Variants in EPM2A observed in about 807,000 individuals in gnomAD.
EPM2A encodes the protein laforin.
A neutral mutation model predicts 26.5 loss-of-function variants in EPM2A; 21 were observed. That is an observed-to-expected ratio of 0.79 (90% confidence interval 0.56 to 1.14). The LOEUF (loss-of-function observed/expected upper bound fraction) is 1.14. EPM2A is among the 50% of genes most tolerant of loss of function. The probability of loss-of-function intolerance (pLI) is 0.00; values close to 1 mark genes in which losing one functional copy is unlikely to be tolerated. For synonymous variants in EPM2A, 217 were observed against 177.6 expected (o/e 1.22, Z -1.76); for missense variants, 458 against 440.8 (o/e 1.04, Z -0.35).
At chr6:145,633,350 A>C (rs1582928874) in intron 3 of EPM2A, among the ~76,000 whole-genome samples, 1 of 152,166 alleles carries the variant, frequency 6.6e-6, no homozygotes, top group South Asian at 2.1e-4. Flanking sequence ...AACCAGGAAA[A>C]CCAGCTGGAC....
chr6:145,402,661 G>T (rs1416745580), intron 4 of EPM2A, among the ~76,000 whole-genome samples: 2 of 152,072 alleles, frequency 1.3e-5, no homozygotes, highest in Non-Finnish European at 2.9e-5. Context: ...TTTTTAATTG[G>T]TTCAGAAAAA....
At chr6:145,544,874 C>T (rs1780564169) in intron 2 of EPM2A, among the ~76,000 whole-genome samples, 1 of 152,096 alleles carries the variant, frequency 6.6e-6, no homozygotes, top group South Asian at 2.1e-4. Flanking sequence ...CTTTTTTCAC[C>T]AAAATAACAA....
chr6:145,696,272 G>C (rs1038195359), intron 1 of EPM2A, among the ~76,000 whole-genome samples: 3 of 151,940 alleles, frequency 2.0e-5, no homozygotes, highest in African/African-American at 7.3e-5. Context: ...ACACAGCAAA[G>C]GCAATTCTAA....
chr6:145,475,378 C>T (rs1178703349), intron 4 of EPM2A, among the ~76,000 whole-genome samples: 1 of 152,138 alleles, frequency 6.6e-6, no homozygotes, highest in Non-Finnish European at 1.5e-5. Context: ...AAACCGAACA[C>T]TGCATGTTCT....
chr6:145,597,566 TGG>T (rs1781364559), intron 2 of EPM2A, among the ~76,000 whole-genome samples: 1 of 151,984 alleles, frequency 6.6e-6, no homozygotes, highest in Non-Finnish European at 1.5e-5. Flanking sequence ...GCATAATCAG[TGG>T]GCTTCTTGTT....
At chr6:145,412,787 G>C (rs1418766358) in intron 4 of EPM2A, among the ~76,000 whole-genome samples, 1 of 152,184 alleles carries the variant, frequency 6.6e-6, no homozygotes, top group East Asian at 1.9e-4. Flanking sequence ...TGAACATCCT[G>C]TTGTGCTTGT....
At chr6:145,462,036 C>T (rs1422090572) in intron 4 of EPM2A, among the ~76,000 whole-genome samples, 1 of 152,180 alleles carries the variant, frequency 6.6e-6, no homozygotes, top group African/African-American at 2.4e-5. Context: ...AGCTGTGGGA[C>T]CATGGGCAAA....
At chr6:145,629,921 TG>T (rs1366921049) in intron 3 of EPM2A, 1 of 152,256 alleles carries the variant, frequency 6.6e-6, no homozygotes, top group Admixed American at 6.5e-5. Flanking sequence ...ACAACATCAG[TG>T]TAACCAGCCT....
intron 2 of EPM2A, among the ~76,000 whole-genome samples, chr6:145,525,543 A>C (rs374464): frequency 0.48 from 72,712 of 151,474 alleles, 17,418 homozygotes; most frequent in South Asian, 0.61. Flanking sequence ...GTACTCCTAG[A>C]TATTTTTGTG....
At chr6:145,716,294 T>C (rs542038769) in intron 1 of EPM2A, among the ~76,000 whole-genome samples, 142 of 152,320 alleles carry the variant, frequency 9.3e-4, no homozygotes, top group African/African-American at 3.3e-3. Context: ...TTCTATGGTA[T>C]GTGAATTACA....
chr6:145,520,719 T>C (rs1242749235), intron 2 of EPM2A, among the ~76,000 whole-genome samples: 3 of 151,922 alleles, frequency 2.0e-5, no homozygotes, highest in African/African-American at 7.3e-5. Flanking sequence ...ACACAATAAA[T>C]AAGCAAATGA....
chr6:145,632,138 C>T (rs1473136634), intron 3 of EPM2A: 4 of 152,208 alleles, frequency 2.6e-5, no homozygotes, highest in Non-Finnish European at 5.9e-5. Flanking sequence ...TTACTATCCT[C>T]ATTTTCTTAA....
chr6:145,685,055 T>C (rs1343532887), intron 2 of EPM2A, among the ~76,000 whole-genome samples: 3 of 152,312 alleles, frequency 2.0e-5, no homozygotes, highest in South Asian at 2.1e-4. Flanking sequence ...AGAATGCATC[T>C]CCTTGTGTAT....
chr6:145,514,085 T>C (rs1780091367), intron 2 of EPM2A, among the ~76,000 whole-genome samples: 1 of 152,182 alleles, frequency 6.6e-6, no homozygotes, highest in African/African-American at 2.4e-5. Context: ...GTGTCACATA[T>C]GATTTCTCTT....
chr6:145,685,575 G>A (rs1249443273), intron 2 of EPM2A, among the ~76,000 whole-genome samples: 1 of 152,146 alleles, frequency 6.6e-6, no homozygotes, highest in African/African-American at 2.4e-5. Flanking sequence ...AATCACTTCT[G>A]ATGAGTGGGA....
intron 4 of EPM2A, among the ~76,000 whole-genome samples, chr6:145,412,858 T>C (rs1407415189): frequency 2.6e-5 from 4 of 152,290 alleles, no homozygotes; most frequent in Middle Eastern, 3.4e-3. Context: ...GTAGGCTTTG[T>C]CCATGACAGT....
At chr6:145,395,645 C>T (rs1343817184) in intron 4 of EPM2A, among the ~76,000 whole-genome samples, 1 of 152,136 alleles carries the variant, frequency 6.6e-6, no homozygotes, top group Non-Finnish European at 1.5e-5. Context: ...CTCCTCCTCT[C>T]CTAACCTAGC....
At chr6:145,622,710 A>G (rs1775662913), downstream of EPM2A, among the ~76,000 whole-genome samples, 1 of 152,188 alleles carries the variant, frequency 6.6e-6, no homozygotes, top group African/African-American at 2.4e-5. Flanking sequence ...AGCGGCATGG[A>G]ACACATTCTC....
At chr6:145,590,315 C>T (rs1272777114) in intron 2 of EPM2A, among the ~76,000 whole-genome samples, 2 of 151,892 alleles carry the variant, frequency 1.3e-5, no homozygotes, top group African/African-American at 4.8e-5. Flanking sequence ...TTAAATATAC[C>T]AACTATTCTA....
Sources: gnomAD v4.1 joint callset for allele counts (sites outside exome capture counted in the v4.1 genomes callset) on GRCh38, gnomAD v4.1.1 for gene constraint, MANE v1.5 for transcripts, NCBI Gene and HGNC (gene_info 2026-07-23, HGNC 2026-07-21) for gene names.